Variants in PIK3R4 observed in about 807,000 individuals in gnomAD.
The protein encoded by PIK3R4 is phosphoinositide 3-kinase regulatory subunit 4.
A neutral mutation model predicts 136.5 loss-of-function variants in PIK3R4; 46 were observed. That is an observed-to-expected ratio of 0.34 (90% CI 0.27 to 0.43). PIK3R4 has a LOEUF of 0.43. Among genes scored for constraint, PIK3R4 ranks in the 20% least tolerant of loss-of-function variants. The probability of loss-of-function intolerance (pLI) is 1.00; values close to 1 mark genes in which losing one functional copy is unlikely to be tolerated. For synonymous variants in PIK3R4, 557 were observed against 566.7 expected, an observed-to-expected ratio of 0.98 and a Z score of 0.24; for missense variants, 1,331 against 1,649.5, an observed-to-expected ratio of 0.81 and a Z score of 3.35.
At chr3:130,716,217 T>C (rs1341803409) in intron 9 of PIK3R4, among the ~76,000 whole-genome samples, 179 bp downstream of exon 9, 2 of 152,252 alleles carry the variant, frequency 1.3e-5, no homozygotes, top group Non-Finnish European at 2.9e-5. Flanking sequence ...CTTATCATCA[T>C]CTTATTATTA....
In PIK3R4 at chr3:130,708,373, A is replaced by G. The variant is rs2066617124; in HGVS notation, c.2451T>C (p.Gly817=). Residue 817 remains glycine, a synonymous_variant, in exon 10 of 20, where the codon GGT becomes GGC. Coordinates refer to ENST00000356763, the MANE Select transcript of PIK3R4 (RefSeq NM_014602.3). ...QSHLHDSSQK[G]VIDLAALGIT... Reference sequence around the variant, plus strand: ...TGCCTAAAGCTGCCAAGTCAATTACACCTTTCTGACTACTATCATGAAGAT... The same window carrying G: ...TGCCTAAAGCTGCCAAGTCAATTACGCCTTTCTGACTACTATCATGAAGAT... The G allele has an allele frequency of 1.2e-6, 2 of 1,613,586 alleles. No homozygotes were observed. The highest frequency in any genetic ancestry group is 2.7e-5 in the African/African-American group (2 of 74,884).
intron 18 of PIK3R4, 62 bp downstream of exon 18, chr3:130,680,915 T>A: frequency 1.2e-6 from 1 of 853,096 alleles, no homozygotes. Flanking sequence ...TACAGTGCCA[T>A]CAGTATCTAT....
chr3:130,736,715 C>T (rs995947345), intron 2 of PIK3R4, among the ~76,000 whole-genome samples: 2 of 151,962 alleles, frequency 1.3e-5, no homozygotes, highest in African/African-American at 4.8e-5. Context: ...GGAATTACTA[C>T]TACAAAGTCA....
At chr3:130,724,548 T>A (rs1257908346) in intron 6 of PIK3R4, among the ~76,000 whole-genome samples, 1 of 152,070 alleles carries the variant, frequency 6.6e-6, no homozygotes, top group Non-Finnish European at 1.5e-5. Flanking sequence ...TAGAACAGAA[T>A]GTATTATTAA....
At chr3:130,703,256 C>G (rs1249446387) in intron 13 of PIK3R4, among the ~76,000 whole-genome samples, 1 of 152,204 alleles carries the variant, frequency 6.6e-6, no homozygotes, top group African/African-American at 2.4e-5. Flanking sequence ...TTGCTCCAGC[C>G]ACAAAGACCT....
chr3:130,728,686 TAA>T lies in PIK3R4; in HGVS notation c.1586-4_1586-3del, dbSNP rs5852606. 16,736 of 1,001,032 alleles carry T rather than the reference TAA, an allele frequency of 0.017. No individual in the cohort carries two copies. Among genetic ancestry groups the T allele is most frequent in the South Asian group, 0.02 (816 of 40,622 alleles). 62.0% of individuals were successfully genotyped at this position (1,001,032 alleles called of 1,614,324 possible). ...CCATTTCATGTAAGGCTTGGAGCTC[TAA>T]AAAAAAAAAAAAAAGAAAGAAAGAA... On this transcript the variant is annotated splice_polypyrimidine_tract_variant and splice_region_variant and intron_variant, in intron 5 of 19. Transcript: ENST00000356763.
At chr3:130,680,575 G>C in intron 19 of PIK3R4, 38 bp downstream of exon 19, 1 of 1,117,738 alleles carries the variant, frequency 8.9e-7, no homozygotes, top group Non-Finnish European at 1.3e-6. Context: ...CCATGTTTGT[G>C]CTTACAAAAG....
intron 9 of PIK3R4, among the ~76,000 whole-genome samples, chr3:130,712,325 T>C (rs1283651957): frequency 1.3e-5 from 2 of 152,086 alleles, no homozygotes; most frequent in Admixed American, 6.5e-5. Flanking sequence ...TCATATTGCC[T>C]GCTTGCAGAA....
intron 14 of PIK3R4, among the ~76,000 whole-genome samples, chr3:130,687,072 T>G (rs2066494350): frequency 1.6e-4 from 1 of 6,424 alleles, no homozygotes; most frequent in Non-Finnish European, 4.2e-4. Context: ...CAGATTTGGG[T>G]TTTTTTTTTT....
chr3:130,744,726 TTAGAAGAACC>T lies in PIK3R4; in HGVS notation c.483_492del (p.Trp161Ter). Reference sequence around the variant, plus strand: ...GTGGGCTTAAAACTGGCAAAATCAGTTAGAAGAACCCAATTCCAACTGGTGACCATCACAT... The same window carrying T: ...GTGGGCTTAAAACTGGCAAAATCAGTCAATTCCAACTGGTGACCATCACAT... On this transcript the variant is annotated frameshift_variant, in exon 2 of 20. Transcript: ENST00000356763. LOFTEE classifies it high-confidence loss of function. 2 of 1,614,238 alleles carry T rather than the reference TTAGAAGAACC, an allele frequency of 1.2e-6. No homozygotes were observed. Among genetic ancestry groups the T allele is most frequent in the Non-Finnish European group, 1.7e-6 (2 of 1,180,042 alleles).
At position 130,708,340 on chromosome 3, in the gene PIK3R4, C is replaced by A; in HGVS notation, c.2484G>T (p.Gly828=). The A allele has an allele frequency of 6.2e-7, 1 of 1,613,812 alleles. No individual in the cohort carries two copies. The highest frequency in any genetic ancestry group is 8.5e-7 in the Non-Finnish European group (1 of 1,179,770). ...TGGTTTTAACAAGATCAACTTGTCT[C>A]CCAGTTATGCCTAAAGCTGCCAAGT... ...VIDLAALGIT[G]RQVDLVKTKQ... The change falls in exon 10 of 20, where the codon GGG becomes GGT. Residue 828 remains glycine, a synonymous_variant. Coordinates refer to ENST00000356763, the MANE Select transcript of PIK3R4 (RefSeq NM_014602.3).
At chr3:130,689,637 G>A (rs1322091240) in intron 14 of PIK3R4, among the ~76,000 whole-genome samples, 1 of 152,142 alleles carries the variant, frequency 6.6e-6, no homozygotes, top group African/African-American at 2.4e-5. Flanking sequence ...TCCTCATTTT[G>A]CTTTCTTCTG....
At chr3:130,727,596 T>A (rs571802420) in intron 6 of PIK3R4, among the ~76,000 whole-genome samples, 43 of 152,328 alleles carry the variant, frequency 2.8e-4, no homozygotes, top group African/African-American at 1.0e-3. Flanking sequence ...TGCAGAATAG[T>A]CTTTAAACTT....
chr3:130,680,588 G>T, intron 19 of PIK3R4, 25 bp downstream of exon 19: 3 of 1,282,678 alleles, frequency 2.3e-6, no homozygotes, highest in South Asian at 2.5e-5. Context: ...TACAAAAGGT[G>T]AAAGGAATGA....
intron 16 of PIK3R4, among the ~76,000 whole-genome samples, chr3:130,683,697 A>C (rs1214388434): frequency 6.6e-6 from 1 of 152,190 alleles, no homozygotes; most frequent in Non-Finnish European, 1.5e-5. Context: ...TTATTTATCA[A>C]GCATTAGTTG....
intron 5 of PIK3R4, among the ~76,000 whole-genome samples, chr3:130,729,577 G>T (rs1420595186): frequency 6.6e-6 from 1 of 152,048 alleles, no homozygotes; most frequent in East Asian, 1.9e-4. Flanking sequence ...CATAAAAAAA[G>T]GCTAGGACTT....
At chr3:130,680,853 T>A in intron 18 of PIK3R4, 124 bp downstream of exon 18, 2 of 757,610 alleles carry the variant, frequency 2.6e-6, no homozygotes, top group East Asian at 5.3e-5. Context: ...CAGCATACCA[T>A]TGGTTACAAA....
Position 130,744,665 on chromosome 3 carries a change from T to TA in PIK3R4, c.553dup (p.Tyr185LeufsTer4), listed in dbSNP as rs2066843016. 1.2e-6 allele frequency: 2 copies of TA among 1,614,082 alleles called. No homozygotes were observed. Among genetic ancestry groups the TA allele is most frequent in the Admixed American group, 1.7e-5 (1 of 60,008 alleles). ...TCTCCTCCGTGATGTGTCAAAGAAA[T>TA]AATTGAAATCTGCCGGGTTGTCTTC... On this transcript the variant is annotated frameshift_variant, in exon 2 of 20. Transcript: ENST00000356763. LOFTEE classifies it high-confidence loss of function.
At chr3:130,693,093 G>A (rs2066527452) in intron 13 of PIK3R4, among the ~76,000 whole-genome samples, 1 of 152,098 alleles carries the variant, frequency 6.6e-6, no homozygotes, top group African/African-American at 2.4e-5. Context: ...ACAATATGTG[G>A]CCTTTGGATC....
Sources: allele counts gnomAD v4.1 joint callset (sites outside exome capture counted in the v4.1 genomes callset), GRCh38; gene constraint gnomAD v4.1.1; transcripts MANE v1.5; gene names NCBI Gene and HGNC (gene_info 2026-07-23, HGNC 2026-07-21).